ESR1: variants seen among roughly 807,000 people sequenced by gnomAD.
ESR1 encodes the protein estrogen receptor.
A neutral mutation model predicts 52.7 loss-of-function variants in ESR1; 12 were observed. The observed-to-expected ratio is 0.23, with a 90% CI of 0.15 to 0.37. The LOEUF is 0.37. ESR1 is among the 10% of genes least tolerant of loss of function. The pLI is 1.00. For missense variants in ESR1, 584 were observed against 779.7 expected (o/e 0.75, Z 2.99); for synonymous variants, 305 against 316.8 (o/e 0.96, Z 0.39).
chr6:151,735,794 G>A (rs1368054171), intron 2 of ESR1, among the ~76,000 whole-genome samples: 1 of 152,108 alleles, frequency 6.6e-6, no homozygotes, highest in African/African-American at 2.4e-5. Flanking sequence ...ATCTCGAATT[G>A]TAATCCCCAT....
chr6:151,957,963 C>T (rs1263541654), intron 4 of ESR1, among the ~76,000 whole-genome samples: 3 of 152,180 alleles, frequency 2.0e-5, no homozygotes, highest in African/African-American at 7.2e-5. Context: ...TTCTCAAGGT[C>T]GACTCCTGGC....
intron 1 of ESR1, chr6:151,809,330 C>T: frequency 3.4e-6 from 1 of 292,450 alleles, no homozygotes; most frequent in Non-Finnish European, 7.4e-6. Context: ...TCCCTCTCCT[C>T]TCCCTCCCAT....
At chr6:152,045,843 AG>A (rs1215797152) in intron 5 of ESR1, among the ~76,000 whole-genome samples, 1 of 152,232 alleles carries the variant, frequency 6.6e-6, no homozygotes, top group Non-Finnish European at 1.5e-5. Context: ...AAAGAAAAAG[AG>A]TGAACACTTT....
At chr6:151,764,056 G>T (rs1223031043) in intron 2 of ESR1, among the ~76,000 whole-genome samples, 4 of 152,106 alleles carry the variant, frequency 2.6e-5, no homozygotes, top group African/African-American at 9.7e-5. Context: ...AAAGCGCGGG[G>T]GTGTGGCTCT....
intron 2 of ESR1, among the ~76,000 whole-genome samples, chr6:151,866,640 C>A (rs1789961682): frequency 1.3e-5 from 2 of 152,180 alleles, no homozygotes; most frequent in South Asian, 4.1e-4. Flanking sequence ...ATCCATGTCC[C>A]TATAAAGGAC....
intron 4 of ESR1, among the ~76,000 whole-genome samples, chr6:151,956,910 T>G (rs1355305055): frequency 6.7e-6 from 1 of 148,562 alleles, no homozygotes; most frequent in Admixed American, 6.7e-5. Context: ...GGAGTCTCAC[T>G]CTGTTGCCCA....
chr6:151,989,031 T>A (rs2040774304), intron 4 of ESR1, among the ~76,000 whole-genome samples: 1 of 152,128 alleles, frequency 6.6e-6, no homozygotes, highest in Admixed American at 6.5e-5. Context: ...CCTAGCTGGA[T>A]CTTCCGCTCC....
chr6:152,126,409 G>A (rs898090245), exon 7 of ESR1: 3 of 152,238 alleles, frequency 2.0e-5, no homozygotes, highest in Middle Eastern at 3.4e-3. Flanking sequence ...CTAGAGTCTT[G>A]GGAAATTTCA....
At position 152,011,673 on chromosome 6, in the gene ESR1, C is replaced by T. The variant is rs2042778807; in HGVS notation, c.1114C>T (p.Leu372Phe). 3 of 1,613,186 alleles carry T rather than the reference C, an allele frequency of 1.9e-6. No homozygotes were observed. The highest frequency in any genetic ancestry group is 3.3e-4 in the Middle Eastern group (2 of 6,048). Residue 372 changes from leucine (L) to phenylalanine (F), a missense_variant, in exon 5 of 8, where the codon CTC (leucine) becomes TTC (phenylalanine). This residue lies in a region of ESR1 where 141 missense variants were observed against 289.3 expected (regional missense o/e 0.49). Transcript: ENST00000206249. ...KRVPGFVDLT[L>F]HDQVHLLECA... ...GTTTTCAGGCTTTGTGGATTTGACCCTCCATGATCAGGTCCACCTTCTAGA... is the reference window on the plus strand; with the variant it reads ...GTTTTCAGGCTTTGTGGATTTGACCTTCCATGATCAGGTCCACCTTCTAGA...
chr6:152,016,255 G>A (rs1025227503), intron 5 of ESR1, among the ~76,000 whole-genome samples: 5 of 151,964 alleles, frequency 3.3e-5, no homozygotes. Flanking sequence ...ATATTACCCA[G>A]TCTCAAGTAT....
chr6:151,861,760 T>C (rs1227012945), intron 2 of ESR1, among the ~76,000 whole-genome samples: 1 of 152,124 alleles, frequency 6.6e-6, no homozygotes, highest in East Asian at 1.9e-4. Context: ...ATGGCTCTTA[T>C]TCTTACACTT....
chr6:151,875,353 T>C (rs1297896911), intron 2 of ESR1, among the ~76,000 whole-genome samples: 2 of 152,186 alleles, frequency 1.3e-5, no homozygotes, highest in African/African-American at 4.8e-5. Context: ...ACTTCCTTTA[T>C]AGAACCCCAG....
At position 151,985,521 on chromosome 6, in the gene ESR1, A is replaced by AC. The variant is rs1562632924; in HGVS notation, c.1097-26135_1097-26134insC. Among the ~76,000 whole-genome samples the AC allele has an allele frequency of 5.0e-3, 634 of 126,920 alleles. 18 individuals are homozygous for AC. Among genetic ancestry groups the AC allele is most frequent in the African/African-American group, 0.023 (608 of 26,438 alleles). 83.3% of individuals were successfully genotyped at this position (126,920 alleles called of 152,430 possible). A position where few individuals can be genotyped will look rare whatever the true frequency, so the allele number is the denominator to read the frequency against. ...AGACTCTGTCTCAAAAAAAAAAAAAAAAAAAAAAAAAACACAAACAAAAAA... is the reference window on the plus strand; with the variant it reads ...AGACTCTGTCTCAAAAAAAAAAAAAACAAAAAAAAAAAACACAAACAAAAAA... On this transcript the variant is annotated intron_variant, in intron 4 of 7. Transcript: ENST00000206249.
exon 7 of ESR1, chr6:152,128,012 T>C (rs1436855562): frequency 1.3e-5 from 2 of 152,240 alleles, no homozygotes; most frequent in African/African-American, 4.8e-5. Flanking sequence ...TTTACAATTC[T>C]AAGCTTTAGA....
intron 4 of ESR1, among the ~76,000 whole-genome samples, chr6:152,007,812 A>C (rs2128762947): frequency 6.6e-6 from 1 of 152,074 alleles, no homozygotes; most frequent in East Asian, 1.9e-4. Flanking sequence ...TATCACTGAT[A>C]CCTCTCCTTA....
At chr6:151,888,370 A>G (rs6903146) in intron 3 of ESR1, among the ~76,000 whole-genome samples, 4,400 of 151,000 alleles carry the variant, frequency 0.029, 204 homozygotes, top group African/African-American at 0.1. Flanking sequence ...TTAGCATACA[A>G]TTCTTTCACT....
rs138769264 is a variant in ESR1 at position 151,773,013 on chromosome 6, G to A, written c.-70-34830G>A. ...TCCCCCTCAAAAATGATATGTTGAG[G>A]TCTTAAACCCCAGTATCCTAGAATG... On this transcript the variant is annotated intron_variant, in intron 2 of 2. Coordinates refer to the ESR1 transcript ENST00000404742. Among the ~76,000 whole-genome samples, 261 of 152,242 alleles carry A rather than the reference G, an allele frequency of 1.7e-3. 1 individual carries two copies. The highest frequency in any genetic ancestry group is 6.0e-3 in the African/African-American group (250 of 41,546).
intron 4 of ESR1, among the ~76,000 whole-genome samples, chr6:151,985,533 A>C (rs11155826): frequency 0.59 from 61,815 of 105,188 alleles, 19,872 homozygotes; most frequent in Middle Eastern, 0.76. Context: ...AAAAAAAAAA[A>C]CACAAACAAA....
At chr6:151,977,065 A>G (rs1460493646) in intron 4 of ESR1, among the ~76,000 whole-genome samples, 1 of 152,158 alleles carries the variant, frequency 6.6e-6, no homozygotes, top group Non-Finnish European at 1.5e-5. Context: ...ATGTTGAAAC[A>G]TATCTTTTGA....
Sources: gnomAD v4.1 joint callset for allele counts (sites outside exome capture counted in the v4.1 genomes callset) on GRCh38, gnomAD v4.1.1 for gene constraint, gnomAD v4.1.1 regional missense constraint, MANE v1.5 for transcripts, NCBI Gene and HGNC (gene_info 2026-07-23, HGNC 2026-07-21) for gene names.